DOP1B: variants seen among roughly 807,000 people sequenced by gnomAD.
DOP1B encodes the protein DOP1 leucine zipper like protein B, also known as protein DOP1B.
Under a neutral mutation model 233.5 loss-of-function variants are expected in DOP1B, and 174 were observed. The observed-to-expected ratio is 0.75, with a 90% CI of 0.66 to 0.85. The LOEUF is 0.85. Ranked by LOEUF, DOP1B falls within the 40% of genes least tolerant of loss-of-function variation. DOP1B has a pLI of 0.00. For missense variants in DOP1B, 2,652 were observed against 2,846.6 expected, an observed-to-expected ratio of 0.93 and a Z score of 1.56; for synonymous variants, 1,190 against 1,185.6, an observed-to-expected ratio of 1.00 and a Z score of -0.08.
At chr21:36,221,194 A>G (rs1055298333) in intron 10 of DOP1B, among the ~76,000 whole-genome samples, 18 of 152,044 alleles carry the variant, frequency 1.2e-4, no homozygotes, top group African/African-American at 4.1e-4. Flanking sequence ...TTTGTTAAGG[A>G]TTTATCATTT....
intron 6 of DOP1B, 76 bp downstream of exon 6, chr21:36,211,727 C>A (rs748619534): frequency 6.8e-7 from 1 of 1,475,030 alleles, no homozygotes; most frequent in Non-Finnish European, 9.4e-7. Context: ...GCAGTTCTGT[C>A]GTACGAGGAC....
intron 16 of DOP1B, among the ~76,000 whole-genome samples, chr21:36,237,685 C>T (rs1049061178): frequency 6.6e-6 from 1 of 152,172 alleles, no homozygotes; most frequent in Non-Finnish European, 1.5e-5. Context: ...ACTTGCAGGG[C>T]TTCTGCAGGT....
intron 32 of DOP1B, among the ~76,000 whole-genome samples, chr21:36,282,560 A>C (rs1045762542): frequency 2.0e-5 from 3 of 152,242 alleles, no homozygotes; most frequent in Admixed American, 6.5e-5. Context: ...CGGTGTTTAC[A>C]GTACTCCCTT....
intron 13 of DOP1B, among the ~76,000 whole-genome samples, chr21:36,229,671 T>TC (rs1244878425): frequency 6.6e-6 from 1 of 150,734 alleles, no homozygotes; most frequent in African/African-American, 2.5e-5. Flanking sequence ...CTTTTTTTTT[T>TC]TTTTTTTTGA....
intron 9 of DOP1B, among the ~76,000 whole-genome samples, chr21:36,216,739 T>C (rs2066564233): frequency 6.6e-6 from 1 of 152,106 alleles, no homozygotes; most frequent in Admixed American, 6.5e-5. Flanking sequence ...ATTTCAGTGC[T>C]CCAGGTGTAC....
Position 36,200,312 on chromosome 21 carries a change from C to G in DOP1B, c.321-19C>G. ...GGGTATCTTATTTCTGCCCCGCTCC[C>G]TCTCGTTCTTTCTCGAAGCTGCGGG... On this transcript the variant is annotated intron_variant, in intron 3 of 36. Coordinates refer to ENST00000691173, the MANE Select transcript of DOP1B (RefSeq NM_001320714.2). 1.3e-6 allele frequency: 2 copies of G among 1,572,796 alleles called. No homozygotes were observed. Among genetic ancestry groups the G allele is most frequent in the African/African-American group, 1.4e-5 (1 of 74,052 alleles).
intron 2 of DOP1B, among the ~76,000 whole-genome samples, chr21:36,177,566 TGGG>T (rs573425710): frequency 1.3e-5 from 2 of 152,058 alleles, no homozygotes; most frequent in African/African-American, 4.8e-5. Context: ...ATATTGGGGT[TGGG>T]GGGGCCTTTA....
chr21:36,162,051 T>C (rs2065874101), intron 1 of DOP1B, among the ~76,000 whole-genome samples: 1 of 152,220 alleles, frequency 6.6e-6, no homozygotes, highest in South Asian at 2.1e-4. Flanking sequence ...TAGGTATTTC[T>C]GTTATAAGTG....
intron 4 of DOP1B, among the ~76,000 whole-genome samples, chr21:36,203,384 G>A (rs955951304): frequency 1.3e-5 from 2 of 152,170 alleles, no homozygotes; most frequent in African/African-American, 4.8e-5. Flanking sequence ...ATTTCAGTCT[G>A]AGACGGTTTG....
intron 1 of DOP1B, among the ~76,000 whole-genome samples, chr21:36,164,208 A>G (rs1281517380): frequency 6.6e-6 from 1 of 152,214 alleles, no homozygotes; most frequent in Non-Finnish European, 1.5e-5. Context: ...AGTCCCAGCT[A>G]CTTGGGAGGC....
chr21:36,228,019 A>C, intron 13 of DOP1B, 142 bp downstream of exon 13: 4 of 881,186 alleles, frequency 4.5e-6, no homozygotes, highest in South Asian at 2.5e-5. Context: ...TGCTTGTAAA[A>C]CCCTCACTTT....
At chr21:36,162,529 C>T (rs2065877903) in intron 1 of DOP1B, among the ~76,000 whole-genome samples, 1 of 151,994 alleles carries the variant, frequency 6.6e-6, no homozygotes, top group African/African-American at 2.4e-5. Flanking sequence ...ACATAATCAC[C>T]TCCCAAAGTC....
chr21:36,185,620 T>C (rs2066156041), intron 2 of DOP1B, among the ~76,000 whole-genome samples: 1 of 152,182 alleles, frequency 6.6e-6, no homozygotes, highest in South Asian at 2.1e-4. Context: ...ACTCCAGGGT[T>C]GAGGGCAACA....
chr21:36,287,529 A>G (rs2067498794), intron 32 of DOP1B, among the ~76,000 whole-genome samples: 1 of 151,664 alleles, frequency 6.6e-6, no homozygotes, highest in South Asian at 2.1e-4. Context: ...TGTATTTCAC[A>G]AAGAAGAGGG....
intron 35 of DOP1B, 60 bp from the exon 36 acceptor site, chr21:36,292,044 A>AT (rs1038901989): frequency 6.6e-7 from 1 of 1,524,472 alleles, no homozygotes; most frequent in Non-Finnish European, 8.8e-7. Flanking sequence ...AATAAAACTA[A>AT]TTTTAACGAC....
intron 35 of DOP1B, among the ~76,000 whole-genome samples, chr21:36,290,988 G>T (rs2067550462): frequency 6.6e-6 from 1 of 151,584 alleles, no homozygotes. Flanking sequence ...AAGAGGCCGG[G>T]CACAGTGGCT....
rs2067200021 is a variant in DOP1B, at chr21:36,263,632, G to A, written c.5402G>A (p.Gly1801Glu). 9 of 1,613,924 alleles carry A rather than the reference G, an allele frequency of 5.6e-6. No individual in the cohort carries two copies. The highest frequency in any genetic ancestry group is 1.1e-5 in the South Asian group (1 of 91,080). ...ESVQLNLAPP[G>E]YFLLLSMLND... The stretch of plus-strand genomic sequence containing the variant: ...GTACAGTTGAATCTAGCCCCACCTG[G>A]GTATTTTCTGCTTCTCAGGTATCAT... Residue 1801 changes from glycine (G) to glutamate (E), a missense_variant, in exon 25 of 37, where the codon GGG (glycine) becomes GAG (glutamate). By Grantham distance (98) the Gly-to-Glu change is moderately conservative. This residue lies in a region of DOP1B where 2,617 missense variants were observed against 2,794.3 expected (regional missense o/e 0.94). Transcript: ENST00000691173.
intron 4 of DOP1B, among the ~76,000 whole-genome samples, chr21:36,204,476 C>T (rs1202165933): frequency 3.9e-5 from 6 of 152,040 alleles, no homozygotes; most frequent in South Asian, 4.1e-4. Context: ...GCACTTGCGA[C>T]GTGCATGACC....
Position 36,254,447 on chromosome 21 carries a change from A to G in DOP1B, c.5259+538A>G, listed in dbSNP as rs1014663843. On this transcript the variant is annotated intron_variant, in intron 23 of 36. Coordinates refer to ENST00000691173, the MANE Select transcript of DOP1B (RefSeq NM_001320714.2). ...TTAAGGAGAGTTGGAGAAGTAGAAA[A>G]TTACAAAAGAGCAGGTGGGGAGGCT... Among the ~76,000 whole-genome samples the G allele has an allele frequency of 3.3e-5, 5 of 152,040 alleles. 1 individual carries two copies. The highest frequency in any genetic ancestry group is 7.4e-5 in the Non-Finnish European group (5 of 68,002).
Sources: allele counts gnomAD v4.1 joint callset (sites outside exome capture counted in the v4.1 genomes callset), GRCh38; gene constraint gnomAD v4.1.1; regional missense constraint gnomAD v4.1.1; transcripts MANE v1.5; gene names NCBI Gene and HGNC (gene_info 2026-07-23, HGNC 2026-07-21).